SDHAF3: variants seen among roughly 807,000 people sequenced by gnomAD.
SDHAF3 encodes the protein succinate dehydrogenase assembly factor 3, mitochondrial.
Under a neutral mutation model 11.5 loss-of-function variants are expected in SDHAF3, and 18 were observed. The ratio of observed to expected loss-of-function variants is 1.56; its 90% confidence interval spans 1.08 to 2.32. SDHAF3 has a LOEUF of 2.32. Among genes scored for constraint, SDHAF3 ranks in the 30% most tolerant of loss-of-function variants. The pLI, the probability that SDHAF3 is intolerant of heterozygous loss-of-function variation, is 0.00. For synonymous variants in SDHAF3, 72 were observed against 59.3 expected (o/e 1.21, Z -0.99); for missense variants, 200 against 154.4 (o/e 1.30, Z -1.57).
intron 1 of SDHAF3, among the ~76,000 whole-genome samples, chr7:97,119,171 A>G (rs555047518): frequency 2.0e-5 from 3 of 152,298 alleles, no homozygotes; most frequent in East Asian, 3.9e-4. Context: ...TGTATTGCTA[A>G]TTGTTATGAA....
chr7:97,176,185 A>G (rs577596239), intron 1 of SDHAF3, among the ~76,000 whole-genome samples: 4 of 152,276 alleles, frequency 2.6e-5, no homozygotes, highest in South Asian at 2.1e-4. Context: ...AGGACTTGAC[A>G]TATTTTGGGG....
intron 1 of SDHAF3, among the ~76,000 whole-genome samples, chr7:97,132,616 G>A (rs912012354): frequency 1.3e-5 from 2 of 152,156 alleles, no homozygotes; most frequent in African/African-American, 2.4e-5. Flanking sequence ...TGTAGTAACT[G>A]TATTCCATTT....
In SDHAF3 at chr7:97,158,484, C is replaced by T. The variant is rs761191048; in HGVS notation, c.175-22528C>T. 4.6e-5 allele frequency among the ~76,000 whole-genome samples: 7 copies of T among 152,182 alleles called. No individual in the cohort carries two copies. In the East Asian group the frequency reaches 9.7e-4, roughly 21 times the overall value. On this transcript the variant is annotated intron_variant, in intron 1 of 1. Transcript: ENST00000432641. ...CTAGGATTACAGGTGCCTGCCACCA[C>T]GCTAGCTAATTTTTGTATTTTTAAT... is the stretch of plus-strand genomic sequence containing the variant.
intron 1 of SDHAF3, among the ~76,000 whole-genome samples, chr7:97,129,359 G>C (rs12056091): frequency 6.6e-6 from 1 of 151,940 alleles, no homozygotes; most frequent in East Asian, 1.9e-4. Context: ...ATTCGGAACT[G>C]TGGCCTCCTG....
intron 1 of SDHAF3, among the ~76,000 whole-genome samples, chr7:97,118,519 A>AG (rs1491458720): frequency 6.6e-6 from 1 of 150,946 alleles, no homozygotes; most frequent in Non-Finnish European, 1.5e-5. Context: ...AATATTAAAC[A>AG]GACACATGCA....
chr7:97,160,603 C>T (rs921047012), intron 1 of SDHAF3, among the ~76,000 whole-genome samples: 1 of 152,136 alleles, frequency 6.6e-6, no homozygotes, highest in African/African-American at 2.4e-5. Context: ...AACCTTACCC[C>T]CCGACCCCCA....
At chr7:97,155,272 T>C (rs953175073) in intron 1 of SDHAF3, among the ~76,000 whole-genome samples, 3 of 152,186 alleles carry the variant, frequency 2.0e-5, no homozygotes, top group African/African-American at 7.2e-5. Context: ...TGAAATCAAA[T>C]CAAGAATTGA....
intron 1 of SDHAF3, among the ~76,000 whole-genome samples, chr7:97,132,401 A>C (rs1791684505): frequency 6.6e-6 from 1 of 152,150 alleles, no homozygotes; most frequent in Admixed American, 6.5e-5. Context: ...TAACCGTTAG[A>C]AAAAATATTT....
chr7:97,134,099 C>A (rs548420145), intron 1 of SDHAF3, among the ~76,000 whole-genome samples: 3 of 152,208 alleles, frequency 2.0e-5, no homozygotes, highest in African/African-American at 7.2e-5. Flanking sequence ...CTCCCTCCCC[C>A]CTTTCCAAAG....
intron 1 of SDHAF3, among the ~76,000 whole-genome samples, chr7:97,176,127 C>G (rs1290534303): frequency 1.3e-5 from 2 of 152,198 alleles, no homozygotes; most frequent in Non-Finnish European, 2.9e-5. Flanking sequence ...CTCAATCACA[C>G]TTGCAAAACC....
At chr7:97,142,410 G>T (rs1789064138) in intron 1 of SDHAF3, among the ~76,000 whole-genome samples, 1 of 152,052 alleles carries the variant, frequency 6.6e-6, no homozygotes, top group Admixed American at 6.6e-5. Context: ...TTCTGAAATT[G>T]TATTTTATAA....
At chr7:97,139,095 G>A (rs768943515) in intron 1 of SDHAF3, among the ~76,000 whole-genome samples, 2 of 152,260 alleles carry the variant, frequency 1.3e-5, no homozygotes, top group African/African-American at 2.4e-5. Context: ...GCATGGGGGC[G>A]CTGCCCGGTG....
At chr7:97,173,117 A>G (rs1021430282) in intron 1 of SDHAF3, among the ~76,000 whole-genome samples, 1 of 152,232 alleles carries the variant, frequency 6.6e-6, no homozygotes, top group African/African-American at 2.4e-5. Flanking sequence ...ACCTGACAGG[A>G]GGTAGAGCTC....
In SDHAF3 at chr7:97,167,547, T is replaced by C. The variant is rs79220321; in HGVS notation, c.175-13465T>C. On this transcript the variant is annotated intron_variant, in intron 1 of 1. Transcript: ENST00000432641. ...CAATTTATCAAAACGGGAATTGCCA[T>C]AGAGAAAGAGTAATTCACACATAGT... is the stretch of plus-strand genomic sequence containing the variant. Among the ~76,000 whole-genome samples the C allele has an allele frequency of 7.2e-3, 1,099 of 152,268 alleles. 14 individuals are homozygous for C. The highest frequency in any genetic ancestry group is 0.025 in the African/African-American group (1,022 of 41,546).
chr7:97,127,288 T>C (rs990605470), intron 1 of SDHAF3, among the ~76,000 whole-genome samples: 14 of 152,352 alleles, frequency 9.2e-5, no homozygotes, highest in Middle Eastern at 6.8e-3. Flanking sequence ...CTTTTTCTTC[T>C]CTTCAAGTAA....
chr7:97,128,795 A>G lies in SDHAF3; in HGVS notation c.174+10898A>G, dbSNP rs183172097. Among the ~76,000 whole-genome samples, 237 of 152,304 alleles carry G rather than the reference A, an allele frequency of 1.6e-3. 1 individual carries two copies. The highest frequency in any genetic ancestry group is 2.6e-3 in the Non-Finnish European group (175 of 68,024). ...TTAATAAGAACACTGTATACAACTG[A>G]AGTTTTACATAGGGAGTAGAATTAA... On this transcript the variant is annotated intron_variant, in intron 1 of 1. Transcript: ENST00000432641.
At chr7:97,130,893 C>G (rs377641038) in intron 1 of SDHAF3, among the ~76,000 whole-genome samples, 8 of 152,132 alleles carry the variant, frequency 5.3e-5, no homozygotes, top group African/African-American at 1.9e-4. Flanking sequence ...ATGGGCAGGC[C>G]TGGAAAAAAC....
intron 1 of SDHAF3, among the ~76,000 whole-genome samples, chr7:97,172,286 T>C (rs1789611927): frequency 6.6e-6 from 1 of 152,198 alleles, no homozygotes; most frequent in Non-Finnish European, 1.5e-5. Context: ...TGCTCTTTTG[T>C]AGTCTAGATG....
At chr7:97,143,212 T>G (rs112615509) in intron 1 of SDHAF3, among the ~76,000 whole-genome samples, 556 of 152,246 alleles carry the variant, frequency 3.7e-3, no homozygotes, top group Non-Finnish European at 6.0e-3. Flanking sequence ...TAAATTCTTC[T>G]AAGAATATTT....
Sources: gnomAD v4.1 joint callset for allele counts (sites outside exome capture counted in the v4.1 genomes callset) on GRCh38, gnomAD v4.1.1 for gene constraint, MANE v1.5 for transcripts, NCBI Gene and HGNC (gene_info 2026-07-23, HGNC 2026-07-21) for gene names.